Variants in PREP observed in about 807,000 individuals in gnomAD.
PREP encodes dJ355L5.1 (prolyl endopeptidase).
In PREP, 29 loss-of-function variants were observed where a neutral mutation model predicts 87.6. That is an observed-to-expected ratio of 0.33 (90% confidence interval 0.25 to 0.45). The LOEUF (loss-of-function observed/expected upper bound fraction) is 0.45, where lower values mean the gene tolerates loss of function less well. Ranked by LOEUF, PREP falls within the 20% of genes least tolerant of loss-of-function variation. The pLI, the probability that PREP is intolerant of heterozygous loss-of-function variation, is 1.00. For missense variants in PREP, 695 were observed against 886.5 expected (o/e 0.78, Z 2.74); for synonymous variants, 337 against 328.6 (o/e 1.03, Z -0.28).
intron 2 of PREP, among the ~76,000 whole-genome samples, chr6:105,377,874 C>T (rs1772728736): frequency 6.6e-6 from 1 of 152,230 alleles, no homozygotes; most frequent in Admixed American, 6.5e-5. Flanking sequence ...AGTTGCCCGA[C>T]ATCATACAGC....
chr6:105,352,428 A>G (rs1049470136), intron 7 of PREP, among the ~76,000 whole-genome samples: 1 of 152,196 alleles, frequency 6.6e-6, no homozygotes, highest in Admixed American at 6.6e-5. Flanking sequence ...TCTTTTCCTA[A>G]GTACTGAGGG....
At chr6:105,346,785 T>C (rs73514080) in intron 7 of PREP, among the ~76,000 whole-genome samples, 14,041 of 152,278 alleles carry the variant, frequency 0.092, 1,008 homozygotes, top group African/African-American at 0.2. Flanking sequence ...AAGAATTCTA[T>C]TAAAAATCTC....
At chr6:105,319,691 T>TG (rs1327642823) in intron 10 of PREP, among the ~76,000 whole-genome samples, 1 of 152,206 alleles carries the variant, frequency 6.6e-6, no homozygotes, top group Non-Finnish European at 1.5e-5. Flanking sequence ...GGAATCTCAG[T>TG]GGGGAACTGG....
chr6:105,297,786 T>C (rs999325517), intron 10 of PREP, among the ~76,000 whole-genome samples: 19 of 152,114 alleles, frequency 1.2e-4, no homozygotes, highest in African/African-American at 4.1e-4. Context: ...AGTAAATGAG[T>C]TGTACAATAG....
In PREP at chr6:105,281,802, A is replaced by G. The variant is rs748717297; in HGVS notation, c.1782T>C (p.Ala594=). 5.0e-6 allele frequency: 8 copies of G among 1,614,252 alleles called. No individual in the cohort carries two copies. In the Admixed American group the frequency reaches 1.2e-4, roughly 24 times the overall value. ...CCGAGCACCCATAATCAGTGGTCCA[A>G]GCATGGCCGATGGTATATTTATGAA... ...LKFHKYTIGH[A]WTTDYGCSDS... Residue 594 remains alanine (A), a synonymous_variant, in exon 14 of 15, where the codon GCT becomes GCC. Transcript: ENST00000652536.
intron 6 of PREP, among the ~76,000 whole-genome samples, chr6:105,357,518 A>T (rs1772131019): frequency 6.6e-6 from 1 of 152,202 alleles, no homozygotes; most frequent in South Asian, 2.1e-4. Flanking sequence ...CTTCATCACA[A>T]TCTGGAGTTG....
chr6:105,280,446 A>G (rs1008228922), intron 14 of PREP, among the ~76,000 whole-genome samples: 1 of 152,248 alleles, frequency 6.6e-6, no homozygotes, highest in African/African-American at 2.4e-5. Context: ...TGAAGGGCCA[A>G]AAAGAAGTTT....
intron 7 of PREP, among the ~76,000 whole-genome samples, chr6:105,351,491 G>T (rs1228168374): frequency 6.6e-6 from 1 of 152,148 alleles, no homozygotes; most frequent in Non-Finnish European, 1.5e-5. Flanking sequence ...GGTTGCAGGG[G>T]AAAGATAAGG....
intron 10 of PREP, among the ~76,000 whole-genome samples, chr6:105,311,093 G>A (rs545518414): frequency 6.6e-6 from 1 of 152,056 alleles, no homozygotes; most frequent in Admixed American, 6.6e-5. Flanking sequence ...AGCCCACCTT[G>A]TCCACAGTCA....
At chr6:105,342,477 C>G (rs1192321140) in intron 7 of PREP, among the ~76,000 whole-genome samples, 1 of 152,218 alleles carries the variant, frequency 6.6e-6, no homozygotes, top group Non-Finnish European at 1.5e-5. Flanking sequence ...TGGCACAAGA[C>G]AGGGATGCCC....
chr6:105,342,832 G>T (rs1771694400), intron 7 of PREP, among the ~76,000 whole-genome samples: 1 of 152,188 alleles, frequency 6.6e-6, no homozygotes. Context: ...GGGATGTGAA[G>T]GATCTCTTCA....
chr6:105,347,965 A>T (rs1486389097), intron 7 of PREP, among the ~76,000 whole-genome samples: 1 of 152,208 alleles, frequency 6.6e-6, no homozygotes, highest in Non-Finnish European at 1.5e-5. Context: ...AAATATAAGA[A>T]AATCCAGACA....
At chr6:105,389,913 A>G (rs1385432101) in intron 2 of PREP, among the ~76,000 whole-genome samples, 1 of 152,172 alleles carries the variant, frequency 6.6e-6, no homozygotes, top group African/African-American at 2.4e-5. Flanking sequence ...CAAAGAAACA[A>G]ACAAACAAAA....
intron 2 of PREP, among the ~76,000 whole-genome samples, chr6:105,386,798 C>A (rs768589874): frequency 6.6e-6 from 1 of 152,178 alleles, no homozygotes; most frequent in Non-Finnish European, 1.5e-5. Context: ...ATGCTCCAGA[C>A]TGAAGCTTCA....
intron 10 of PREP, chr6:105,298,706 G>A: frequency 6.5e-6 from 1 of 155,038 alleles, no homozygotes; most frequent in Non-Finnish European, 1.4e-5. Flanking sequence ...AGTGTTGCCT[G>A]CACACAGGTT....
intron 14 of PREP, among the ~76,000 whole-genome samples, chr6:105,279,898 GT>G (rs1380744275): frequency 2.6e-5 from 4 of 152,276 alleles, no homozygotes; most frequent in Admixed American, 2.6e-4. Context: ...AATAGGACTT[GT>G]TTCCTTACGT....
chr6:105,284,905 A>G (rs757872336), intron 12 of PREP, among the ~76,000 whole-genome samples: 1 of 152,250 alleles, frequency 6.6e-6, no homozygotes, highest in Non-Finnish European at 1.5e-5. Context: ...AGACGGAATA[A>G]AACTAGAAAA....
At chr6:105,400,109 C>A (rs1019794587) in intron 1 of PREP, among the ~76,000 whole-genome samples, 2 of 152,180 alleles carry the variant, frequency 1.3e-5, no homozygotes, top group African/African-American at 4.8e-5. Flanking sequence ...CAACTTTCCA[C>A]CTCCAATTTT....
intron 9 of PREP, among the ~76,000 whole-genome samples, chr6:105,326,317 G>A (rs1002201587): frequency 1.3e-5 from 2 of 152,064 alleles, no homozygotes; most frequent in Non-Finnish European, 1.5e-5. Context: ...AGAGTTCACC[G>A]GTTCAACCAC....
Sources: gnomAD v4.1 joint callset for allele counts (sites outside exome capture counted in the v4.1 genomes callset) on GRCh38, gnomAD v4.1.1 for gene constraint, MANE v1.5 for transcripts, NCBI Gene and HGNC (gene_info 2026-07-23, HGNC 2026-07-21) for gene names.